PRKCA: variants seen among roughly 807,000 people sequenced by gnomAD.
PRKCA encodes the protein protein kinase C alpha type.
PRKCA carries 27 observed loss-of-function variants against 87.0 expected under a neutral mutation model. That is an observed-to-expected ratio of 0.31 (90% CI 0.23 to 0.43). The LOEUF (loss-of-function observed/expected upper bound fraction) is 0.43, where lower values mean the gene tolerates loss of function less well. Among genes scored for constraint, PRKCA ranks in the 20% least tolerant of loss-of-function variants. The pLI is 1.00. For synonymous variants in PRKCA, 329 were observed against 311.1 expected (o/e 1.06, Z -0.61); for missense variants, 518 against 852.3 (o/e 0.61, Z 4.88).
At chr17:66,385,997 C>T (rs1206722974) in intron 2 of PRKCA, among the ~76,000 whole-genome samples, 2 of 151,254 alleles carry the variant, frequency 1.3e-5, no homozygotes, top group South Asian at 2.1e-4. Flanking sequence ...TGACCTCAGG[C>T]GATCCGCCCA....
At chr17:66,526,683 G>A (rs1023360256) in intron 3 of PRKCA, among the ~76,000 whole-genome samples, 3 of 152,088 alleles carry the variant, frequency 2.0e-5, no homozygotes, top group Admixed American at 6.6e-5. Flanking sequence ...AAGTTAGGAA[G>A]CAGGGAAATA....
chr17:66,410,677 G>T (rs1047031448), intron 2 of PRKCA, among the ~76,000 whole-genome samples: 1 of 152,166 alleles, frequency 6.6e-6, no homozygotes, highest in Non-Finnish European at 1.5e-5. Context: ...CCAGGTTCAA[G>T]CGATTCTCCT....
At chr17:66,605,211 A>G (rs1002128989) in intron 3 of PRKCA, among the ~76,000 whole-genome samples, 1 of 152,220 alleles carries the variant, frequency 6.6e-6, no homozygotes, top group Non-Finnish European at 1.5e-5. Context: ...GCTACTGATC[A>G]CAGTGAGAAA....
intron 8 of PRKCA, among the ~76,000 whole-genome samples, chr17:66,723,396 A>G (rs947317908): frequency 6.6e-6 from 1 of 152,192 alleles, no homozygotes; most frequent in African/African-American, 2.4e-5. Context: ...TGGGAGGCTG[A>G]GGCAGGTGGA....
intron 2 of PRKCA, among the ~76,000 whole-genome samples, chr17:66,401,521 C>T (rs1449777021): frequency 6.6e-6 from 1 of 152,192 alleles, no homozygotes; most frequent in African/African-American, 2.4e-5. Context: ...TGATGGAAAG[C>T]TCATGACGCA....
At chr17:66,378,588 T>G (rs985567661) in intron 2 of PRKCA, among the ~76,000 whole-genome samples, 2 of 152,080 alleles carry the variant, frequency 1.3e-5, no homozygotes, top group Non-Finnish European at 2.9e-5. Context: ...TTTGCCTAGT[T>G]TGTACACTTC....
intron 16 of PRKCA, among the ~76,000 whole-genome samples, chr17:66,795,175 C>T (rs1975638157): frequency 6.6e-6 from 1 of 152,106 alleles, no homozygotes. Context: ...TTAATAATTA[C>T]TCCAGCAAGC....
intron 3 of PRKCA, among the ~76,000 whole-genome samples, chr17:66,539,963 G>T (rs1014361314): frequency 6.6e-6 from 1 of 152,188 alleles, no homozygotes; most frequent in Non-Finnish European, 1.5e-5. Flanking sequence ...CCTTGCTCAC[G>T]CAACCCGAGG....
intron 2 of PRKCA, among the ~76,000 whole-genome samples, chr17:66,346,766 C>T (rs1050992771): frequency 7.2e-5 from 11 of 152,194 alleles, no homozygotes; most frequent in South Asian, 2.1e-4. Context: ...CAGTGACTCA[C>T]GCTTGTAATC....
At chr17:66,594,443 T>A (rs1466358052) in intron 3 of PRKCA, among the ~76,000 whole-genome samples, 1 of 152,148 alleles carries the variant, frequency 6.6e-6, no homozygotes, top group Non-Finnish European at 1.5e-5. Context: ...ATTTTTAGAT[T>A]GGTGATCAGT....
At chr17:66,728,807 C>T (rs907497955) in intron 8 of PRKCA, among the ~76,000 whole-genome samples, 1 of 152,202 alleles carries the variant, frequency 6.6e-6, no homozygotes, top group Non-Finnish European at 1.5e-5. Flanking sequence ...GAATGACTGT[C>T]TGGGAATGTC....
chr17:66,519,680 C>G (rs769500030), intron 3 of PRKCA, among the ~76,000 whole-genome samples: 1 of 152,206 alleles, frequency 6.6e-6, no homozygotes, highest in Non-Finnish European at 1.5e-5. Flanking sequence ...TTTAACATTT[C>G]CTATGCCAGC....
At chr17:66,695,523 G>A (rs1972895672) in intron 8 of PRKCA, among the ~76,000 whole-genome samples, 1 of 152,146 alleles carries the variant, frequency 6.6e-6, no homozygotes, top group African/African-American at 2.4e-5. Context: ...CCTTAAATGA[G>A]CCTACACCAT....
At chr17:66,358,738 G>A (rs1908214785) in intron 2 of PRKCA, among the ~76,000 whole-genome samples, 1 of 152,004 alleles carries the variant, frequency 6.6e-6, no homozygotes, top group Non-Finnish European at 1.5e-5. Flanking sequence ...TTGCTCTGCT[G>A]AAATGATTTC....
intron 2 of PRKCA, among the ~76,000 whole-genome samples, chr17:66,359,597 TG>T (rs1908264578): frequency 6.6e-6 from 1 of 152,206 alleles, no homozygotes; most frequent in African/African-American, 2.4e-5. Flanking sequence ...GATGACTCAG[TG>T]GTTTTATTTA....
At chr17:66,748,002 G>A (rs1406501669) in intron 13 of PRKCA, among the ~76,000 whole-genome samples, 3 of 152,232 alleles carry the variant, frequency 2.0e-5, no homozygotes, top group Admixed American at 1.3e-4. Context: ...ATCAGTGACT[G>A]CAGCCCAGGA....
At chr17:66,621,297 G>T (rs527496383) in intron 3 of PRKCA, among the ~76,000 whole-genome samples, 1 of 152,194 alleles carries the variant, frequency 6.6e-6, no homozygotes, top group African/African-American at 2.4e-5. Flanking sequence ...GAATTCAAGT[G>T]TGTCTTTAAA....
intron 2 of PRKCA, among the ~76,000 whole-genome samples, chr17:66,361,653 C>T (rs1227966455): frequency 1.3e-5 from 2 of 152,166 alleles, no homozygotes; most frequent in Non-Finnish European, 2.9e-5. Context: ...GGACTCTACC[C>T]AGTCTTCCTG....
At chr17:66,326,829 G>C (rs1056726990) in intron 2 of PRKCA, among the ~76,000 whole-genome samples, 1 of 152,144 alleles carries the variant, frequency 6.6e-6, no homozygotes, top group African/African-American at 2.4e-5. Context: ...GAAAATTCTT[G>C]ATAATCTAAA....
Sources: allele counts gnomAD v4.1 joint callset (sites outside exome capture counted in the v4.1 genomes callset), GRCh38; gene constraint gnomAD v4.1.1; transcripts MANE v1.5; gene names NCBI Gene and HGNC (gene_info 2026-07-23, HGNC 2026-07-21).